The following MARK1 variants were observed in gnomAD, a reference collection of about 807,000 sequenced individuals.
The protein encoded by MARK1 is serine/threonine-protein kinase MARK1.
MARK1 carries 40 observed loss-of-function variants against 96.3 expected under a neutral mutation model. The observed-to-expected ratio is 0.42, with a 90% CI of 0.32 to 0.54. MARK1 has a LOEUF of 0.54. MARK1 is among the 20% of genes least tolerant of loss of function. The probability of loss-of-function intolerance (pLI) is 0.16; values close to 1 mark genes in which losing one functional copy is unlikely to be tolerated. For missense variants in MARK1, 719 were observed against 984.6 expected (o/e 0.73, Z 3.61); for synonymous variants, 317 against 341.2 (o/e 0.93, Z 0.78).
In MARK1 at chr1:220,650,701, C is replaced by A; in HGVS notation, c.1552C>A (p.Gln518Lys). The A allele has an allele frequency of 2.5e-6, 4 of 1,613,124 alleles. No homozygotes were observed. The highest frequency in any genetic ancestry group is 3.4e-6 in the Non-Finnish European group (4 of 1,179,380). ...ERTTDRYVALQNGKDSSLTEM... is the reference protein window; with the variant it reads ...ERTTDRYVALKNGKDSSLTEM... ...GACCACAGATCGATACGTAGCATTG[C>A]AGAATGGAAAAGACAGCAGGTAAAT... The change falls in exon 14 of 18, where the codon CAG (glutamine) becomes AAG (lysine). Residue 518 changes from glutamine (Q) to lysine (K), a missense_variant. Physicochemically the swap from Gln to Lys is moderately conservative, Grantham distance 53. Transcript: ENST00000366917.
rs1660073106 is a variant in MARK1 at position 220,528,576 on chromosome 1, A to C, written c.-247A>C. 1 of 467,862 alleles carries C rather than the reference A, an allele frequency of 2.1e-6. No individual in the cohort carries two copies. Among genetic ancestry groups the C allele is most frequent in the Admixed American group, 4.5e-5 (1 of 22,400 alleles). 29.0% of individuals were successfully genotyped at this position (467,862 alleles called of 1,614,324 possible). On this transcript the variant is annotated 5_prime_UTR_variant, in exon 1 of 18. Transcript: ENST00000366917. ...CAGCGCCGGGCAACCGCCTCGCCCG[A>C]AGCCCTCCCTCGTTACTGTCCGCAT...
At chr1:220,554,143 C>T (rs1175054020) in intron 1 of MARK1, among the ~76,000 whole-genome samples, 1 of 152,148 alleles carries the variant, frequency 6.6e-6, no homozygotes, top group East Asian at 1.9e-4. Flanking sequence ...ACTGAGGAGG[C>T]AGGTCCCTGA....
chr1:220,605,227 AATT>A (rs1429587204), intron 6 of MARK1, among the ~76,000 whole-genome samples: 7 of 152,200 alleles, frequency 4.6e-5, no homozygotes, highest in Non-Finnish European at 1.0e-4. Flanking sequence ...TGTTTCACAG[AATT>A]ATTGCTTTTT....
chr1:220,627,211 T>G (rs932222028), intron 9 of MARK1: 17 of 474,486 alleles, frequency 3.6e-5, no homozygotes, highest in African/African-American at 3.4e-4. Flanking sequence ...CCCTGACAAA[T>G]GGATCTCGAT....
chr1:220,552,187 G>A (rs569231605), intron 1 of MARK1, among the ~76,000 whole-genome samples: 3 of 152,184 alleles, frequency 2.0e-5, no homozygotes, highest in Admixed American at 6.5e-5. Context: ...CCATTTAATG[G>A]ACCATTACTA....
intron 2 of MARK1, among the ~76,000 whole-genome samples, chr1:220,580,726 C>T (rs542774505): frequency 1.8e-4 from 27 of 152,284 alleles, no homozygotes; most frequent in African/African-American, 6.5e-4. Context: ...ATTTAACTTA[C>T]TGCAAGTTCA....
At chr1:220,637,012 T>C (rs1339010490) in intron 13 of MARK1, among the ~76,000 whole-genome samples, 1 of 152,124 alleles carries the variant, frequency 6.6e-6, no homozygotes, top group Admixed American at 6.5e-5. Flanking sequence ...AAAGAAAAGC[T>C]CATTGAGCCC....
At chr1:220,537,550 G>A (rs899412204) in intron 1 of MARK1, among the ~76,000 whole-genome samples, 8 of 123,880 alleles carry the variant, frequency 6.5e-5, no homozygotes, top group South Asian at 2.9e-4. Flanking sequence ...ATAAACATAC[G>A]TGTGCATGTG....
intron 1 of MARK1, among the ~76,000 whole-genome samples, chr1:220,577,406 A>C (rs562876741): frequency 1.3e-5 from 2 of 152,360 alleles, no homozygotes; most frequent in Non-Finnish European, 2.9e-5. Flanking sequence ...CTATAATTAA[A>C]ATCTCTTGTT....
chr1:220,613,746 A>G (rs1156917215), intron 6 of MARK1, among the ~76,000 whole-genome samples: 3 of 152,208 alleles, frequency 2.0e-5, no homozygotes, highest in Non-Finnish European at 2.9e-5. Context: ...CTAATACTAC[A>G]AATTTTCATC....
At chr1:220,584,221 T>C (rs957093207) in intron 3 of MARK1, among the ~76,000 whole-genome samples, 3 of 152,198 alleles carry the variant, frequency 2.0e-5, no homozygotes, top group Non-Finnish European at 4.4e-5. Flanking sequence ...ATTTACATTT[T>C]CTATTGTTTT....
At chr1:220,642,028 A>G (rs758240315) in intron 13 of MARK1, among the ~76,000 whole-genome samples, 2 of 152,198 alleles carry the variant, frequency 1.3e-5, no homozygotes, top group Non-Finnish European at 2.9e-5. Flanking sequence ...CAGGCACTGA[A>G]CTGCAGGAGT....
At chr1:220,545,781 G>A (rs1661451336) in intron 1 of MARK1, among the ~76,000 whole-genome samples, 1 of 151,918 alleles carries the variant, frequency 6.6e-6, no homozygotes, top group Non-Finnish European at 1.5e-5. Flanking sequence ...ACTTTATCTG[G>A]CATATGAGAG....
intron 1 of MARK1, among the ~76,000 whole-genome samples, chr1:220,545,964 G>A (rs1174161204): frequency 6.6e-6 from 1 of 152,120 alleles, no homozygotes; most frequent in Non-Finnish European, 1.5e-5. Flanking sequence ...TGCTAAGTCA[G>A]TTTGGTGAGA....
At chr1:220,569,265 A>G (rs1388537889) in intron 1 of MARK1, among the ~76,000 whole-genome samples, 13 of 152,154 alleles carry the variant, frequency 8.5e-5, no homozygotes, top group Admixed American at 2.6e-4. Context: ...GTATTTTAAA[A>G]TTAACCATTT....
At position 220,553,713 on chromosome 1, in the gene MARK1, G is replaced by A. The variant is rs57961020; in HGVS notation, c.51+24840G>A. Among the ~76,000 whole-genome samples the A allele has an allele frequency of 3.8e-3, 572 of 152,180 alleles. 5 individuals are homozygous for A. The highest frequency in any genetic ancestry group is 0.013 in the African/African-American group (524 of 41,508). The stretch of plus-strand genomic sequence containing the variant: ...AATTGCTCAGTGTTTACTAGAGTTC[G>A]GTAGTAAGCTACTAGCTGCTTCCTC... On this transcript the variant is annotated intron_variant, in intron 1 of 17. Transcript: ENST00000366917.
At chr1:220,651,274 ATGGAGCC>A (rs1226855551) in intron 14 of MARK1, among the ~76,000 whole-genome samples, 3 of 152,232 alleles carry the variant, frequency 2.0e-5, no homozygotes, top group African/African-American at 7.2e-5. Context: ...GTACAAAGAC[ATGGAGCC>A]TATTCTAATG....
intron 13 of MARK1, among the ~76,000 whole-genome samples, chr1:220,649,229 T>A (rs1668739339): frequency 6.7e-6 from 1 of 149,234 alleles, no homozygotes; most frequent in East Asian, 1.9e-4. Context: ...GACCAAGTCT[T>A]TTTTTTTTTT....
chr1:220,658,441 G>A (rs1319731680), intron 17 of MARK1, among the ~76,000 whole-genome samples: 1 of 152,202 alleles, frequency 6.6e-6, no homozygotes, highest in Non-Finnish European at 1.5e-5. Flanking sequence ...CGAGGCAGGT[G>A]CCTGTGCATT....
Sources: allele counts gnomAD v4.1 joint callset (sites outside exome capture counted in the v4.1 genomes callset), GRCh38; gene constraint gnomAD v4.1.1; transcripts MANE v1.5; gene names NCBI Gene and HGNC (gene_info 2026-07-23, HGNC 2026-07-21).